FAM3B: variants seen among roughly 807,000 people sequenced by gnomAD.
FAM3B encodes FAM3 metabolism regulating signaling molecule B, also known as protein FAM3B.
FAM3B carries 29 observed loss-of-function variants against 28.4 expected under a neutral mutation model. That is an observed-to-expected ratio of 1.02 (90% CI 0.76 to 1.39). The LOEUF is 1.39. Among genes scored for constraint, FAM3B ranks in the 40% most tolerant of loss-of-function variants. FAM3B has a pLI of 0.00. For missense variants in FAM3B, 266 were observed against 293.9 expected (o/e 0.91, Z 0.69); for synonymous variants, 91 against 103.0 (o/e 0.88, Z 0.71).
At chr21:41,335,222 T>C (rs1012234547) in intron 2 of FAM3B, among the ~76,000 whole-genome samples, 1 of 152,126 alleles carries the variant, frequency 6.6e-6, no homozygotes, top group Non-Finnish European at 1.5e-5. Flanking sequence ...TTTTGGACTT[T>C]GGGGGACTAT....
intron 3 of FAM3B, among the ~76,000 whole-genome samples, chr21:41,340,052 G>C (rs1301835359): frequency 6.6e-6 from 1 of 152,062 alleles, no homozygotes; most frequent in African/African-American, 2.4e-5. Context: ...GAGTCTAAAG[G>C]CGGGGGAGCC....
At chr21:41,322,410 G>C (rs2088814986) in intron 1 of FAM3B, among the ~76,000 whole-genome samples, 1 of 152,148 alleles carries the variant, frequency 6.6e-6, no homozygotes, top group Admixed American at 6.6e-5. Context: ...GCCAGGCCTT[G>C]ATCCAGCAGG....
chr21:41,320,824 A>G (rs1396871096), intron 1 of FAM3B: 1 of 152,158 alleles, frequency 6.6e-6, no homozygotes, highest in African/African-American at 2.4e-5. Context: ...TCCCTGCCGC[A>G]TCAGGACCCG....
upstream of FAM3B, among the ~76,000 whole-genome samples, chr21:41,314,669 C>T (rs531649889): frequency 1.6e-4 from 25 of 151,710 alleles, 1 homozygote; most frequent in South Asian, 2.5e-3. Flanking sequence ...CCAACAAGAG[C>T]GTGAAAAGAT....
chr21:41,311,712 C>T (rs564748823), intron 1 of FAM3B, among the ~76,000 whole-genome samples: 3 of 152,172 alleles, frequency 2.0e-5, no homozygotes, highest in East Asian at 3.9e-4. Context: ...ATGTTGTTTT[C>T]GTTGTAGGTG....
At chr21:41,354,859 T>C (rs2089152590) in intron 7 of FAM3B, among the ~76,000 whole-genome samples, 2 of 152,182 alleles carry the variant, frequency 1.3e-5, no homozygotes, top group Non-Finnish European at 2.9e-5. Context: ...AAAAAACTTT[T>C]GTGCTTCAAA....
At chr21:41,316,298 G>T (rs751079260), upstream of FAM3B, among the ~76,000 whole-genome samples, 1 of 152,202 alleles carries the variant, frequency 6.6e-6, no homozygotes, top group Non-Finnish European at 1.5e-5. Flanking sequence ...CATCATCCTG[G>T]CAGTAAAAGA....
At position 41,350,570 on chromosome 21, in the gene FAM3B, C is replaced by T. The variant is rs536486701; in HGVS notation, c.618+1846C>T. Among the ~76,000 whole-genome samples, 126 of 152,340 alleles carry T rather than the reference C, an allele frequency of 8.3e-4. 1 individual carries two copies. The highest frequency in any genetic ancestry group is 1.0e-3 in the Non-Finnish European group (71 of 68,030). ...AGCCCACCCCAAACCCAGATCCCTC[C>T]GCACAGCTTCTGCAATCAATGTCTC... On this transcript the variant is annotated intron_variant, in intron 7 of 7. Transcript: ENST00000357985.
At chr21:41,348,754 C>T in intron 7 of FAM3B, 30 bp downstream of exon 7, 1 of 1,613,802 alleles carries the variant, frequency 6.2e-7, no homozygotes, top group Non-Finnish European at 8.5e-7. Context: ...CCCTTCCCAC[C>T]AATGGTGAGT....
At chr21:41,324,082 A>T (rs2088834873) in intron 2 of FAM3B, among the ~76,000 whole-genome samples, 1 of 152,174 alleles carries the variant, frequency 6.6e-6, no homozygotes, top group Non-Finnish European at 1.5e-5. Context: ...TGAAGGCTTC[A>T]TCTGCCAAAG....
At chr21:41,305,622 A>C (rs2088679187) in intron 1 of FAM3B, among the ~76,000 whole-genome samples, 1 of 152,372 alleles carries the variant, frequency 6.6e-6, no homozygotes, top group African/African-American at 2.4e-5. Flanking sequence ...CTGGTTTCCC[A>C]ATGCACATAA....
chr21:41,347,119 G>C lies in FAM3B; in HGVS notation c.485+19G>C. ...GCACAAGGTGAGTGGGTGTAGGTCT[G>C]TCACAGCGGTGGGCAAGAGAAGCCA... On this transcript the variant is annotated intron_variant, in intron 6 of 7. Transcript: ENST00000357985. The C allele has an allele frequency of 1.2e-6, 2 of 1,611,284 alleles. No homozygotes were observed. The highest frequency in any genetic ancestry group is 1.1e-5 in the South Asian group (1 of 91,014).
chr21:41,306,119 A>G (rs765134138), intron 1 of FAM3B, among the ~76,000 whole-genome samples: 2 of 152,212 alleles, frequency 1.3e-5, no homozygotes, highest in African/African-American at 2.4e-5. Flanking sequence ...ATAAGAAGCA[A>G]TTCCTCATCG....
intron 7 of FAM3B, among the ~76,000 whole-genome samples, chr21:41,356,317 C>G (rs1385944134): frequency 6.6e-6 from 1 of 152,122 alleles, no homozygotes; most frequent in Non-Finnish European, 1.5e-5. Context: ...TGTAGCATAC[C>G]TAACCTACCA....
chr21:41,327,716 C>T (rs556644325), intron 2 of FAM3B, among the ~76,000 whole-genome samples: 1 of 152,350 alleles, frequency 6.6e-6, no homozygotes, highest in African/African-American at 2.4e-5. Flanking sequence ...CATTTGCTCA[C>T]TTGTAATAGT....
chr21:41,313,821 T>TTC (rs2088728932), upstream of FAM3B, among the ~76,000 whole-genome samples: 1 of 141,144 alleles, frequency 7.1e-6, no homozygotes, highest in African/African-American at 2.7e-5. Context: ...TGTTGTTGTT[T>TTC]TGCTGAGTTG....
chr21:41,355,891 A>G (rs145054491), intron 7 of FAM3B, among the ~76,000 whole-genome samples: 168 of 152,302 alleles, frequency 1.1e-3, no homozygotes, highest in African/African-American at 3.9e-3. Context: ...TTCCAAGGTT[A>G]TTAACAAAAT....
Position 41,357,102 on chromosome 21 carries a change from A to G in FAM3B, c.619-6A>G, listed in dbSNP as rs753515719. 27 of 1,607,200 alleles carry G rather than the reference A, an allele frequency of 1.7e-5. No individual in the cohort carries two copies. Among genetic ancestry groups the G allele is most frequent in the Non-Finnish European group, 2.1e-5 (25 of 1,175,726 alleles). ...AATAAATAAAACTCTTCTTTTCTCTACACAGATCAACCACTCTGATGCTAA... is the reference window on the plus strand; with the variant it reads ...AATAAATAAAACTCTTCTTTTCTCTGCACAGATCAACCACTCTGATGCTAA... On this transcript the variant is annotated splice_polypyrimidine_tract_variant and splice_region_variant and intron_variant, in intron 7 of 7. Coordinates refer to ENST00000357985, the MANE Select transcript of FAM3B (RefSeq NM_058186.4).
At chr21:41,308,986 A>G (rs1035902025) in intron 1 of FAM3B, among the ~76,000 whole-genome samples, 4 of 152,106 alleles carry the variant, frequency 2.6e-5, no homozygotes, top group African/African-American at 7.2e-5. Flanking sequence ...TCATCTTCAC[A>G]AAAGGAGGTA....
Sources: gnomAD v4.1 joint callset for allele counts (sites outside exome capture counted in the v4.1 genomes callset) on GRCh38, gnomAD v4.1.1 for gene constraint, MANE v1.5 for transcripts, NCBI Gene and HGNC (gene_info 2026-07-23, HGNC 2026-07-21) for gene names.